Variants in DSCAM observed in about 807,000 individuals in gnomAD.
DSCAM encodes the protein DS cell adhesion molecule.
Under a neutral mutation model 217.7 loss-of-function variants are expected in DSCAM, and 47 were observed. The ratio of observed to expected loss-of-function variants is 0.22; its 90% CI spans 0.17 to 0.28. The LOEUF is 0.28. DSCAM is among the 10% of genes least tolerant of loss of function. The pLI is 1.00. For synonymous variants in DSCAM, 1,056 were observed against 1,015.3 expected (o/e 1.04, Z -0.76); for missense variants, 2,080 against 2,618.3 (o/e 0.79, Z 4.49).
intron 3 of DSCAM, among the ~76,000 whole-genome samples, chr21:40,505,941 A>T (rs1043873689): frequency 6.6e-6 from 1 of 152,162 alleles, no homozygotes; most frequent in Non-Finnish European, 1.5e-5. Context: ...GCTGTATCTG[A>T]CTCATTTTCA....
At chr21:40,563,332 C>A (rs933070972) in intron 3 of DSCAM, among the ~76,000 whole-genome samples, 5 of 151,706 alleles carry the variant, frequency 3.3e-5, no homozygotes, top group Admixed American at 3.3e-4. Context: ...CATAGAGAAG[C>A]AGCAGAAATA....
chr21:40,416,002 G>A (rs2075368153), intron 3 of DSCAM, among the ~76,000 whole-genome samples: 1 of 152,096 alleles, frequency 6.6e-6, no homozygotes, highest in South Asian at 2.1e-4. Context: ...TCCAAAATAG[G>A]CAAAAGAGGT....
At chr21:40,786,927 T>A (rs779761290) in intron 1 of DSCAM, among the ~76,000 whole-genome samples, 1 of 152,246 alleles carries the variant, frequency 6.6e-6, no homozygotes. Context: ...TCAGAGAGGC[T>A]AAGTTACTTT....
At chr21:40,503,039 C>T (rs550426697) in intron 3 of DSCAM, among the ~76,000 whole-genome samples, 1 of 152,302 alleles carries the variant, frequency 6.6e-6, no homozygotes, top group African/African-American at 2.4e-5. Flanking sequence ...CAATTAGAAC[C>T]ATAGCATTCC....
intron 11 of DSCAM, among the ~76,000 whole-genome samples, chr21:40,218,510 T>C (rs1202992288): frequency 6.6e-6 from 1 of 152,198 alleles, no homozygotes; most frequent in Non-Finnish European, 1.5e-5. Context: ...TTCAAAAATT[T>C]TTTTCTAGTT....
intron 3 of DSCAM, among the ~76,000 whole-genome samples, chr21:40,399,308 AAACAT>A (rs1244625768): frequency 1.4e-5 from 2 of 147,334 alleles, no homozygotes; most frequent in Non-Finnish European, 3.0e-5. Flanking sequence ...AAACAAAACA[AAACAT>A]AGGAGTCCAA....
intron 4 of DSCAM, among the ~76,000 whole-genome samples, chr21:40,356,176 A>G (rs886843354): frequency 6.6e-6 from 1 of 152,138 alleles, no homozygotes; most frequent in African/African-American, 2.4e-5. Context: ...TATGGTAGGT[A>G]AAAGGGTACA....
At chr21:40,254,314 TCA>T (rs111505766) in intron 11 of DSCAM, among the ~76,000 whole-genome samples, 4,165 of 152,202 alleles carry the variant, frequency 0.027, 184 homozygotes, top group African/African-American at 0.091. Flanking sequence ...GGGTGGAATA[TCA>T]CAGTTTAAGT....
intron 14 of DSCAM, among the ~76,000 whole-genome samples, chr21:40,185,495 T>C (rs927776898): frequency 2.6e-5 from 4 of 152,172 alleles, no homozygotes; most frequent in African/African-American, 9.7e-5. Flanking sequence ...GGGGAGGTCC[T>C]GGGCTGCTCC....
At chr21:40,040,903 C>T (rs1375025637) in intron 32 of DSCAM, among the ~76,000 whole-genome samples, 1 of 150,672 alleles carries the variant, frequency 6.6e-6, no homozygotes, top group Non-Finnish European at 1.5e-5. Flanking sequence ...CTCCATTTGC[C>T]TTGCAAATAA....
chr21:40,467,352 ATAAT>A (rs1431215759), intron 3 of DSCAM, among the ~76,000 whole-genome samples: 2 of 152,226 alleles, frequency 1.3e-5, no homozygotes, highest in African/African-American at 4.8e-5. Context: ...AATCTACAAA[ATAAT>A]TAGTCTTGAT....
chr21:40,317,833 G>A (rs562646803), intron 8 of DSCAM, among the ~76,000 whole-genome samples: 1 of 152,174 alleles, frequency 6.6e-6, no homozygotes, highest in East Asian at 1.9e-4. Context: ...GAGCCTGGAT[G>A]TCTTGTTCAT....
chr21:40,755,307 G>T (rs4818168), intron 1 of DSCAM, among the ~76,000 whole-genome samples: 59,548 of 151,786 alleles, frequency 0.39, 13,119 homozygotes, highest in African/African-American at 0.61. Flanking sequence ...TTAGCTGGGC[G>T]TGGTGGTGCA....
intron 1 of DSCAM, among the ~76,000 whole-genome samples, chr21:40,728,584 A>C (rs2090981588): frequency 6.6e-6 from 1 of 151,854 alleles, no homozygotes; most frequent in Non-Finnish European, 1.5e-5. Context: ...ACGCCCGGCT[A>C]ATTTTTTGTA....
intron 1 of DSCAM, among the ~76,000 whole-genome samples, chr21:40,823,733 A>C (rs964746305): frequency 3.3e-5 from 5 of 152,350 alleles, no homozygotes; most frequent in Admixed American, 6.5e-5. Context: ...AATACAAAAA[A>C]CAGAAGAAAT....
At chr21:40,196,140 C>A (rs1220423824) in intron 11 of DSCAM, among the ~76,000 whole-genome samples, 1 of 152,200 alleles carries the variant, frequency 6.6e-6, no homozygotes, top group Non-Finnish European at 1.5e-5. Context: ...AAAGGAACTG[C>A]CGCACCCTGG....
chr21:40,742,359 G>T (rs1393047538), intron 1 of DSCAM, among the ~76,000 whole-genome samples: 1 of 152,126 alleles, frequency 6.6e-6, no homozygotes, highest in Non-Finnish European at 1.5e-5. Context: ...CAACTTTAAT[G>T]AATTTGTTTA....
intron 6 of DSCAM, among the ~76,000 whole-genome samples, chr21:40,345,901 GCGCCTCGGCC>G (rs771058546): frequency 1.6e-3 from 239 of 152,340 alleles, no homozygotes; most frequent in Admixed American, 2.7e-3. Flanking sequence ...TGCTGGCGGT[GCGCCTCGGCC>G]CCCTTTTTAG....
intron 3 of DSCAM, among the ~76,000 whole-genome samples, chr21:40,567,889 T>C (rs2076777143): frequency 6.6e-6 from 1 of 152,232 alleles, no homozygotes; most frequent in South Asian, 2.1e-4. Flanking sequence ...TGTTCCTTTC[T>C]ATAAGAATTT....
Sources: allele counts gnomAD v4.1 joint callset (sites outside exome capture counted in the v4.1 genomes callset), GRCh38; gene constraint gnomAD v4.1.1; transcripts MANE v1.5; gene names NCBI Gene and HGNC (gene_info 2026-07-23, HGNC 2026-07-21).